The following GATM variants were observed in gnomAD, a reference collection of about 807,000 sequenced individuals.
GATM encodes glycine amidinotransferase, also known as glycine amidinotransferase, mitochondrial.
A neutral mutation model predicts 54.2 loss-of-function variants in GATM; 23 were observed. The ratio of observed to expected loss-of-function variants is 0.42; its 90% CI spans 0.31 to 0.60. The LOEUF is 0.60. GATM is among the 20% of genes least tolerant of loss of function. GATM has a pLI of 0.14. For synonymous variants in GATM, 168 were observed against 183.1 expected, an observed-to-expected ratio of 0.92 and a Z score of 0.67; for missense variants, 401 against 544.9, an observed-to-expected ratio of 0.74 and a Z score of 2.63.
At position 45,362,143 on chromosome 15, in the gene GATM, C is replaced by T. The variant is rs1461653218; in HGVS notation, c.1238G>A (p.Arg413Gln). Residue 413 changes from arginine (R) to glutamine (Q), a missense_variant, in exon 9 of 9, where the codon CGG becomes CAG. By Grantham distance (43) the Arg-to-Gln change is conservative. This residue lies in a region of GATM where 321 missense variants were observed against 457.5 expected (regional missense o/e 0.70). Coordinates refer to ENST00000396659, the MANE Select transcript of GATM (RefSeq NM_001482.3). ...GGFHCWTCDV[R>Q]RRGTLQSYLD ...GTAGGACTGTAAGGTGCCTCGGCGC[C>T]GGACATCGCAGGTCCAGCAATGGAA... 5 of 1,613,522 alleles carry T rather than the reference C, an allele frequency of 3.1e-6. No individual in the cohort carries two copies. The highest frequency in any genetic ancestry group is 2.2e-5 in the East Asian group (1 of 44,890).
At chr15:45,378,258 G>A in intron 1 of GATM, 127 bp downstream of exon 1, 2 of 691,748 alleles carry the variant, frequency 2.9e-6, no homozygotes, top group Non-Finnish European at 2.4e-6. Flanking sequence ...GGACACTCTC[G>A]TGCAATTCCG....
At chr15:45,369,254 C>A in intron 3 of GATM, 72 bp downstream of exon 3, 3 of 1,393,306 alleles carry the variant, frequency 2.2e-6, no homozygotes, top group Non-Finnish European at 3.0e-6. Flanking sequence ...TTTTTTGGAG[C>A]TTTCCCCTTA....
At chr15:45,364,255 A>G (rs1889411039) in intron 7 of GATM, 2 of 510,836 alleles carry the variant, frequency 3.9e-6, no homozygotes, top group Non-Finnish European at 7.1e-6. Context: ...TGGGCATGGT[A>G]TAATCCTAGC....
chr15:45,374,688 C>T (rs1329438717), intron 2 of GATM, among the ~76,000 whole-genome samples: 1 of 152,180 alleles, frequency 6.6e-6, no homozygotes, highest in Non-Finnish European at 1.5e-5. Context: ...ACTTCAACTG[C>T]CTTGTCAGTC....
intron 3 of GATM, among the ~76,000 whole-genome samples, chr15:45,384,755 T>A (rs1300886394): frequency 2.6e-5 from 4 of 152,066 alleles, no homozygotes; most frequent in Non-Finnish European, 4.4e-5. Context: ...GTCATCCTGG[T>A]TGGAGTGCAG....
At position 45,366,222 on chromosome 15, in the gene GATM, A is replaced by G. The variant is rs1595482667; in HGVS notation, c.814-12T>C. 6.2e-7 allele frequency: 1 copy of G among 1,614,126 alleles called. No homozygotes were observed. Among genetic ancestry groups the G allele is most frequent in the Non-Finnish European group, 8.5e-7 (1 of 1,179,962 alleles). On this transcript the variant is annotated splice_polypyrimidine_tract_variant and intron_variant, in intron 5 of 8. Transcript: ENST00000396659. ...AGGTAGTTTGTAACCTGAAAACAAA[A>G]GAAAGACATACGATCGATAAATATT...
chr15:45,376,556 T>C (rs764206305), intron 2 of GATM, 45 bp downstream of exon 2: 42 of 1,516,756 alleles, frequency 2.8e-5, no homozygotes, highest in Non-Finnish European at 3.8e-5. Context: ...CAGCAGCAGG[T>C]GAGGAGGGAG....
At position 45,376,523 on chromosome 15, in the gene GATM, A is replaced by C. The variant is rs1188027435; in HGVS notation, c.288+78T>G. The C allele has an allele frequency of 3.3e-6, 4 of 1,225,622 alleles. No individual in the cohort carries two copies. The African/African-American group carries it at 5.9e-5, about 18-fold the overall frequency. The allele number at this position is 1,225,622 out of a possible 1,614,324, so 75.9% of individuals were successfully genotyped here. A position where few individuals can be genotyped will look rare whatever the true frequency, so the allele number is the denominator to read the frequency against. Reference sequence around the variant, plus strand: ...GATTGAGAGGTCTGGGAGTAAGCTGAAGGGAAAGCAGTCAGAGGGTAGCAG... The same window carrying C: ...GATTGAGAGGTCTGGGAGTAAGCTGCAGGGAAAGCAGTCAGAGGGTAGCAG... On this transcript the variant is annotated intron_variant, in intron 2 of 8. Coordinates refer to ENST00000396659, the MANE Select transcript of GATM (RefSeq NM_001482.3).
intron 7 of GATM, 75 bp downstream of exon 7, chr15:45,364,722 T>C: frequency 7.6e-7 from 1 of 1,315,476 alleles, no homozygotes; most frequent in Admixed American, 1.7e-5. Context: ...ACATTTGGGC[T>C]GCTCTCTATA....
chr15:45,368,344 G>T lies in GATM; in HGVS notation c.485-84C>A. ...GGTCTATATAGGGCCAGGCACAGTG[G>T]CTCATGCCTGTAATCCCACCACTTT... On this transcript the variant is annotated intron_variant, in intron 3 of 8. Transcript: ENST00000396659. This position sits in a 1 kb window ranked among gnomAD's most constrained non-coding sequence, Gnocchi z 5.1. 1 of 1,169,410 alleles carries T rather than the reference G, an allele frequency of 8.6e-7. No individual in the cohort carries two copies. The highest frequency in any genetic ancestry group is 1.3e-6 in the Non-Finnish European group (1 of 797,050). 72.4% of individuals were successfully genotyped at this position (1,169,410 alleles called of 1,614,324 possible). A position where few individuals can be genotyped will look rare whatever the true frequency, so the allele number is the denominator to read the frequency against.
In GATM at chr15:45,368,164, C is replaced by A; in HGVS notation, c.581G>T (p.Arg194Leu). ...MAWRSRFFEYRAYRSIIKDYF... is the reference protein window; with the variant it reads ...MAWRSRFFEYLAYRSIIKDYF... ...GTCTTTGATAATTGACCTGTACGCTCGGTACTCAAAGAAGCGTGAACGCCA... is the reference window on the plus strand; with the variant it reads ...GTCTTTGATAATTGACCTGTACGCTAGGTACTCAAAGAAGCGTGAACGCCA... Residue 194 changes from arginine (R) to leucine (L), a missense_variant, in exon 4 of 9, where the codon CGA (arginine) becomes CTA (leucine). Arg to Leu is a moderately radical substitution (Grantham distance 102, BLOSUM62 -2). Coordinates refer to ENST00000396659, the MANE Select transcript of GATM (RefSeq NM_001482.3). This position sits in a 1 kb window ranked among gnomAD's most constrained non-coding sequence, Gnocchi z 5.1. 6.2e-7 allele frequency: 1 copy of A among 1,613,994 alleles called. No individual in the cohort carries two copies. Among genetic ancestry groups the A allele is most frequent in the Non-Finnish European group, 8.5e-7 (1 of 1,179,980 alleles).
At chr15:45,383,716 G>C (rs561184183) in intron 3 of GATM, among the ~76,000 whole-genome samples, 1 of 151,828 alleles carries the variant, frequency 6.6e-6, no homozygotes, top group East Asian at 1.9e-4. Context: ...GCTAATTTTT[G>C]TATTTTTAGT....
intron 2 of GATM, among the ~76,000 whole-genome samples, chr15:45,399,178 T>C (rs1451641643): frequency 1.3e-5 from 2 of 152,194 alleles, no homozygotes; most frequent in Non-Finnish European, 2.9e-5. Flanking sequence ...TTCCATCGGT[T>C]TGGATTTTGA....
chr15:45,376,689 G>A lies in GATM; in HGVS notation c.200C>T (p.Ser67Phe). 2.5e-6 allele frequency: 4 copies of A among 1,614,200 alleles called. No individual in the cohort carries two copies. Among genetic ancestry groups the A allele is most frequent in the Non-Finnish European group, 3.4e-6 (4 of 1,180,030 alleles). ...TAAGGGGTCCCATTCGTTGTAAGAA[G>A]AGACAGGGCAGTCCTTGGGCAGAGG... is the stretch of plus-strand genomic sequence containing the variant. ...TEPLPKDCPVSSYNEWDPLEE... is the reference protein window; with the variant it reads ...TEPLPKDCPVFSYNEWDPLEE... Residue 67 changes from serine (S) to phenylalanine (F), a missense_variant, in exon 2 of 9, where the codon TCT becomes TTT. Coordinates refer to ENST00000396659, the MANE Select transcript of GATM (RefSeq NM_001482.3).
chr15:45,362,050 C>A lies in GATM; in HGVS notation c.*59G>T. 1.0e-6 allele frequency: 1 copy of A among 990,430 alleles called. No individual in the cohort carries two copies. Among genetic ancestry groups the A allele is most frequent in the Non-Finnish European group, 1.6e-6 (1 of 613,746 alleles). The allele number at this position is 990,430 out of a possible 1,614,324, so 61.4% of individuals were successfully genotyped here. A position where few individuals can be genotyped will look rare whatever the true frequency, so the allele number is the denominator to read the frequency against. Reference sequence around the variant, plus strand: ...GCACTTTTTAAAGCAGGAGAATGAACCTTGCCCCTAAGCTTCTTAGGTGTA... The same window carrying A: ...GCACTTTTTAAAGCAGGAGAATGAAACTTGCCCCTAAGCTTCTTAGGTGTA... On this transcript the variant is annotated 3_prime_UTR_variant, in exon 9 of 9. Coordinates refer to ENST00000396659, the MANE Select transcript of GATM (RefSeq NM_001482.3).
chr15:45,363,649 T>C, intron 8 of GATM: 1 of 559,676 alleles, frequency 1.8e-6, no homozygotes, highest in Non-Finnish European at 3.2e-6. Flanking sequence ...AAACGTTGGC[T>C]AAGTCATATA....
intron 2 of GATM, among the ~76,000 whole-genome samples, chr15:45,371,102 C>T (rs923510208): frequency 1.3e-5 from 2 of 152,138 alleles, no homozygotes; most frequent in African/African-American, 2.4e-5. Context: ...ATGTAAAAAT[C>T]TAGACAGATT....
At chr15:45,366,340 G>T in intron 5 of GATM, 31 bp downstream of exon 5, 1 of 1,613,290 alleles carries the variant, frequency 6.2e-7, no homozygotes, top group Non-Finnish European at 8.5e-7. Context: ...CAATAATATA[G>T]TGTGAAATTT....
At chr15:45,374,510 T>G (rs912616610) in intron 2 of GATM, among the ~76,000 whole-genome samples, 7 of 152,266 alleles carry the variant, frequency 4.6e-5, no homozygotes, top group Admixed American at 4.6e-4. Context: ...GGATGGTGTA[T>G]AAATTAATCT....
Sources: allele counts gnomAD v4.1 joint callset (sites outside exome capture counted in the v4.1 genomes callset), GRCh38; gene constraint gnomAD v4.1.1; regional missense constraint gnomAD v4.1.1; non-coding constraint Gnocchi (gnomAD v3.1); transcripts MANE v1.5; gene names NCBI Gene and HGNC (gene_info 2026-07-23, HGNC 2026-07-21).